ROBO1: variants seen among roughly 807,000 people sequenced by gnomAD.
ROBO1 encodes roundabout homolog 1.
A neutral mutation model predicts 195.9 loss-of-function variants in ROBO1; 149 were observed. The ratio of observed to expected loss-of-function variants is 0.76; its 90% CI spans 0.67 to 0.87. ROBO1 has a LOEUF of 0.87. Ranked by LOEUF, ROBO1 falls within the 40% of genes least tolerant of loss-of-function variation. ROBO1 has a pLI of 0.00. For missense variants in ROBO1, 1,933 were observed against 2,068.3 expected, an observed-to-expected ratio of 0.93 and a Z score of 1.27; for synonymous variants, 816 against 733.2, an observed-to-expected ratio of 1.11 and a Z score of -1.82.
chr3:79,554,889 G>A (rs1270100967), intron 2 of ROBO1, among the ~76,000 whole-genome samples: 2 of 152,020 alleles, frequency 1.3e-5, no homozygotes, highest in African/African-American at 4.8e-5. Context: ...CAGAATAAAG[G>A]TTGACAATTC....
intron 4 of ROBO1, among the ~76,000 whole-genome samples, chr3:78,748,193 C>A (rs561825807): frequency 1.3e-5 from 2 of 152,250 alleles, no homozygotes; most frequent in South Asian, 4.1e-4. Context: ...CGCCTATAAT[C>A]CCAGCACTTT....
intron 2 of ROBO1, among the ~76,000 whole-genome samples, chr3:79,377,588 A>C (rs535943702): frequency 6.6e-6 from 1 of 152,276 alleles, no homozygotes; most frequent in African/African-American, 2.4e-5. Context: ...TATTCGATGT[A>C]GTTTTTGCCT....
intron 3 of ROBO1, among the ~76,000 whole-genome samples, chr3:79,071,467 C>T (rs2079087537): frequency 6.6e-6 from 1 of 151,626 alleles, no homozygotes; most frequent in African/African-American, 2.4e-5. Flanking sequence ...TCCAATAACT[C>T]CAGGACTAGG....
intron 2 of ROBO1, among the ~76,000 whole-genome samples, chr3:79,348,711 C>A (rs1358838352): frequency 1.3e-5 from 2 of 152,122 alleles, no homozygotes; most frequent in Non-Finnish European, 2.9e-5. Context: ...TTTTCAGTGA[C>A]AACTACCAGT....
At chr3:79,335,130 A>C (rs988412847) in intron 2 of ROBO1, among the ~76,000 whole-genome samples, 16 of 152,282 alleles carry the variant, frequency 1.1e-4, no homozygotes, top group African/African-American at 3.8e-4. Flanking sequence ...AAAAAACAAA[A>C]AACGCAAAAT....
chr3:78,969,651 G>T (rs1203483713), intron 3 of ROBO1, among the ~76,000 whole-genome samples: 1 of 152,136 alleles, frequency 6.6e-6, no homozygotes, highest in Admixed American at 6.5e-5. Context: ...GTGTTGCACT[G>T]AAACAGCAGC....
At chr3:79,436,018 C>A (rs2038873898) in intron 2 of ROBO1, among the ~76,000 whole-genome samples, 1 of 152,084 alleles carries the variant, frequency 6.6e-6, no homozygotes, top group African/African-American at 2.4e-5. Flanking sequence ...TAAACCACTG[C>A]AGAGATAAAA....
rs562031830 is a variant in ROBO1, at chr3:79,461,982, T to C, written c.88+127842A>G. 1.4e-3 allele frequency among the ~76,000 whole-genome samples: 210 copies of C among 152,064 alleles called. 1 individual carries two copies. The highest frequency in any genetic ancestry group is 4.8e-3 in the African/African-American group (198 of 41,548). On this transcript the variant is annotated intron_variant, in intron 2 of 30. Transcript: ENST00000464233. ...TCAATCTATTTATATCATTTATATA[T>C]TAAGTTAATATTGGCAAATATAATA...
intron 2 of ROBO1, among the ~76,000 whole-genome samples, chr3:79,397,175 G>A (rs55919801): frequency 0.37 from 55,456 of 150,560 alleles, 10,732 homozygotes; most frequent in Admixed American, 0.49. Flanking sequence ...TTTAAAAAGT[G>A]TTTTGGAAGA....
chr3:78,944,496 A>G (rs1012827023), intron 3 of ROBO1, among the ~76,000 whole-genome samples: 13 of 152,300 alleles, frequency 8.5e-5, no homozygotes, highest in African/African-American at 3.1e-4. Context: ...CAGATTAAAG[A>G]GTTCTTTGGG....
At chr3:79,675,928 C>T (rs1227433068) in intron 1 of ROBO1, among the ~76,000 whole-genome samples, 2 of 152,014 alleles carry the variant, frequency 1.3e-5, no homozygotes. Flanking sequence ...TACATCTGCA[C>T]AATTGTCGAT....
chr3:78,904,462 T>C (rs1203191352), intron 4 of ROBO1, among the ~76,000 whole-genome samples: 2 of 152,082 alleles, frequency 1.3e-5, no homozygotes, highest in African/African-American at 2.4e-5. Flanking sequence ...AGACTATCCC[T>C]GGCAAAGATG....
intron 2 of ROBO1, among the ~76,000 whole-genome samples, chr3:79,171,691 T>C (rs1316917403): frequency 6.6e-6 from 1 of 152,102 alleles, no homozygotes; most frequent in African/African-American, 2.4e-5. Flanking sequence ...TACACTTTTG[T>C]CTTACTTGTT....
At chr3:78,804,461 G>A (rs1319682513) in intron 4 of ROBO1, among the ~76,000 whole-genome samples, 1 of 152,074 alleles carries the variant, frequency 6.6e-6, no homozygotes, top group Admixed American at 6.5e-5. Context: ...CACAACAGTT[G>A]CTTTTGGCCA....
At chr3:78,856,437 A>G (rs1394509203) in intron 4 of ROBO1, among the ~76,000 whole-genome samples, 2 of 152,020 alleles carry the variant, frequency 1.3e-5, no homozygotes. Flanking sequence ...CAAGGATGTC[A>G]TCCTGAGAGA....
intron 2 of ROBO1, among the ~76,000 whole-genome samples, chr3:79,454,802 A>C (rs1331338474): frequency 4.6e-5 from 7 of 152,100 alleles, no homozygotes; most frequent in Admixed American, 4.6e-4. Context: ...AAAATCTTCA[A>C]CTAAAACACA....
intron 6 of ROBO1, 50 bp downstream of exon 6, chr3:78,717,712 AT>A (rs374493451): frequency 3.1e-6 from 5 of 1,587,530 alleles, no homozygotes; most frequent in African/African-American, 2.7e-5. Flanking sequence ...CAGACACAAA[AT>A]GATAAGAGAT....
At chr3:78,890,663 C>T (rs768341318) in intron 4 of ROBO1, among the ~76,000 whole-genome samples, 2 of 152,050 alleles carry the variant, frequency 1.3e-5, no homozygotes, top group African/African-American at 4.8e-5. Flanking sequence ...TTTTAATTAT[C>T]GGAATACTTT....
intron 2 of ROBO1, among the ~76,000 whole-genome samples, chr3:79,174,910 G>T (rs1216045469): frequency 6.6e-6 from 1 of 150,622 alleles, no homozygotes; most frequent in Non-Finnish European, 1.5e-5. Flanking sequence ...GTTTTATGCA[G>T]AATTTTTTAA....
Sources: allele counts gnomAD v4.1 joint callset (sites outside exome capture counted in the v4.1 genomes callset), GRCh38; gene constraint gnomAD v4.1.1; transcripts MANE v1.5; gene names NCBI Gene and HGNC (gene_info 2026-07-23, HGNC 2026-07-21).